Variants in VPS13B observed in about 807,000 individuals in gnomAD.
VPS13B encodes the protein vacuolar protein sorting 13 homolog B, also known as intermembrane lipid transfer protein VPS13B.
VPS13B carries 285 observed loss-of-function variants against 426.4 expected under a neutral mutation model. The observed-to-expected ratio is 0.67, with a 90% confidence interval of 0.61 to 0.74. The LOEUF (loss-of-function observed/expected upper bound fraction) is 0.74. VPS13B is among the 30% of genes least tolerant of loss of function. The pLI is 0.00. For missense variants in VPS13B, 4,537 were observed against 4,782.6 expected, an observed-to-expected ratio of 0.95 and a Z score of 1.51; for synonymous variants, 1,676 against 1,676.4, an observed-to-expected ratio of 1.00 and a Z score of 0.01.
chr8:99,432,498 A>C (rs954714479), intron 22 of VPS13B, among the ~76,000 whole-genome samples: 1 of 152,186 alleles, frequency 6.6e-6, no homozygotes, highest in African/African-American at 2.4e-5. Flanking sequence ...AAATCCAAAA[A>C]AGTGACAAGC....
chr8:99,428,013 C>T (rs1397752975), intron 21 of VPS13B, among the ~76,000 whole-genome samples: 2 of 152,052 alleles, frequency 1.3e-5, no homozygotes, highest in African/African-American at 2.4e-5. Flanking sequence ...CTTTGACAAA[C>T]CTGACAAAAA....
At chr8:99,734,884 T>C (rs1833759580) in intron 39 of VPS13B, among the ~76,000 whole-genome samples, 3 of 152,172 alleles carry the variant, frequency 2.0e-5, no homozygotes, top group Admixed American at 2.0e-4. Flanking sequence ...GATGACCCTA[T>C]TCTAAATGAC....
At chr8:99,455,163 G>A (rs1008625808) in intron 23 of VPS13B, among the ~76,000 whole-genome samples, 1 of 152,130 alleles carries the variant, frequency 6.6e-6, no homozygotes, top group Admixed American at 6.6e-5. Flanking sequence ...GGTGTTAGGT[G>A]TAAAAAGTCA....
intron 33 of VPS13B, among the ~76,000 whole-genome samples, chr8:99,604,050 A>C (rs1001939411): frequency 6.6e-6 from 1 of 152,216 alleles, no homozygotes; most frequent in African/African-American, 2.4e-5. Context: ...CACAATGTAA[A>C]TTCAGGCCAC....
chr8:99,459,624 T>A (rs1346207241), intron 23 of VPS13B, among the ~76,000 whole-genome samples: 1 of 152,178 alleles, frequency 6.6e-6, no homozygotes, highest in Non-Finnish European at 1.5e-5. Flanking sequence ...AAGTATTAAT[T>A]GTTAATAATG....
chr8:99,477,849 G>A (rs753431466), intron 24 of VPS13B, among the ~76,000 whole-genome samples: 6 of 152,038 alleles, frequency 3.9e-5, no homozygotes, highest in Non-Finnish European at 8.8e-5. Flanking sequence ...TGGTGCTTTC[G>A]TGACTAGAAG....
chr8:99,093,072 C>T (rs534922925), intron 3 of VPS13B, among the ~76,000 whole-genome samples: 1 of 151,818 alleles, frequency 6.6e-6, no homozygotes, highest in Admixed American at 6.6e-5. Context: ...TAAAATTACA[C>T]TGAATGACTC....
intron 30 of VPS13B, chr8:99,536,717 G>A (rs1387999863): frequency 3.7e-6 from 2 of 534,328 alleles, no homozygotes; most frequent in Non-Finnish European, 3.8e-6. Flanking sequence ...ACACACTGTG[G>A]ACAGCATGTC....
intron 33 of VPS13B, among the ~76,000 whole-genome samples, chr8:99,640,351 G>A (rs549709014): frequency 1.3e-4 from 19 of 151,850 alleles, no homozygotes; most frequent in Admixed American, 2.6e-4. Flanking sequence ...ATCTCGGTTC[G>A]CTGCAAACAC....
At chr8:99,396,593 A>T (rs938558898) in intron 21 of VPS13B, among the ~76,000 whole-genome samples, 3 of 151,830 alleles carry the variant, frequency 2.0e-5, no homozygotes, top group African/African-American at 7.3e-5. Context: ...TTCATCTCTA[A>T]TACCTAATAT....
intron 43 of VPS13B, among the ~76,000 whole-genome samples, chr8:99,794,719 C>T (rs1217360273): frequency 6.6e-6 from 1 of 152,110 alleles, no homozygotes; most frequent in Non-Finnish European, 1.5e-5. Flanking sequence ...AGTGTTTCTG[C>T]CAATATTATT....
chr8:99,425,650 T>C (rs1816656044), intron 21 of VPS13B, among the ~76,000 whole-genome samples: 1 of 152,176 alleles, frequency 6.6e-6, no homozygotes, highest in South Asian at 2.1e-4. Context: ...CTTTGAAAAC[T>C]GGCACAAGAC....
chr8:99,860,113 T>C (rs1261360905), intron 57 of VPS13B, among the ~76,000 whole-genome samples: 3 of 152,148 alleles, frequency 2.0e-5, no homozygotes, highest in Non-Finnish European at 2.9e-5. Flanking sequence ...CCCCTTTTCT[T>C]CTCAGCAGGA....
chr8:99,377,532 T>C (rs529367427), intron 19 of VPS13B, among the ~76,000 whole-genome samples: 10 of 152,354 alleles, frequency 6.6e-5, no homozygotes, highest in South Asian at 2.1e-4. Context: ...CTTTAAAATC[T>C]ACTTGTTGCT....
chr8:99,861,740 G>A lies in VPS13B; in HGVS notation c.11045-36G>A, dbSNP rs115695514. On this transcript the variant is annotated intron_variant, in intron 57 of 61. Transcript: ENST00000357162. ...CTGCCTTGGGGTCCATCATGTATGC[G>A]ACAAGGAGGCTAACCCCATGCTCTT... 4,105 of 1,571,700 alleles carry A rather than the reference G, an allele frequency of 2.6e-3. 34 individuals are homozygous for A. The highest frequency in any genetic ancestry group is 0.024 in the African/African-American group (1,818 of 74,230).
chr8:99,399,211 AAT>A (rs1455267588), intron 21 of VPS13B, among the ~76,000 whole-genome samples: 79 of 152,154 alleles, frequency 5.2e-4, no homozygotes, highest in Admixed American at 2.0e-4. Flanking sequence ...ATTTAATGAA[AAT>A]ATATGTTTAC....
In VPS13B at chr8:99,097,672, A is replaced by C. The variant is rs76123556; in HGVS notation, c.412+1240A>C. On this transcript the variant is annotated intron_variant, in intron 4 of 61. Transcript: ENST00000357162. ...ATAATATAAGAGACAAATAGTAGCC[A>C]AAAATAAATCTGTATCTTTCATATA... 9.9e-3 allele frequency among the ~76,000 whole-genome samples: 1,513 copies of C among 152,308 alleles called. 34 individuals carry two copies. Among genetic ancestry groups the C allele is most frequent in the African/African-American group, 0.035 (1,450 of 41,556 alleles).
intron 19 of VPS13B, among the ~76,000 whole-genome samples, chr8:99,357,309 G>A (rs1405159061): frequency 6.6e-6 from 1 of 151,856 alleles, no homozygotes; most frequent in African/African-American, 2.4e-5. Context: ...ACCATGTCAG[G>A]TATTATTTGT....
chr8:99,300,686 T>C (rs957121367), intron 19 of VPS13B, among the ~76,000 whole-genome samples: 1 of 152,190 alleles, frequency 6.6e-6, no homozygotes, highest in African/African-American at 2.4e-5. Flanking sequence ...TCCTTTTCTT[T>C]AGTTATCCAT....
Sources: allele counts gnomAD v4.1 joint callset (sites outside exome capture counted in the v4.1 genomes callset), GRCh38; gene constraint gnomAD v4.1.1; transcripts MANE v1.5; gene names NCBI Gene and HGNC (gene_info 2026-07-23, HGNC 2026-07-21).